ROBO2: variants seen among roughly 807,000 people sequenced by gnomAD.
ROBO2 encodes roundabout guidance receptor 2.
A neutral mutation model predicts 160.8 loss-of-function variants in ROBO2; 53 were observed. That is an observed-to-expected ratio of 0.33 (90% CI 0.26 to 0.41). ROBO2 has a LOEUF of 0.41. ROBO2 is among the 10% of genes least tolerant of loss of function. The pLI, the probability that ROBO2 is intolerant of heterozygous loss-of-function variation, is 1.00. For missense variants in ROBO2, 1,577 were observed against 1,722.4 expected, an observed-to-expected ratio of 0.92 and a Z score of 1.49; for synonymous variants, 664 against 611.7, an observed-to-expected ratio of 1.09 and a Z score of -1.26.
At chr3:77,001,874 T>A (rs1341511457) in intron 2 of ROBO2, among the ~76,000 whole-genome samples, 1 of 152,190 alleles carries the variant, frequency 6.6e-6, no homozygotes, top group Non-Finnish European at 1.5e-5. Flanking sequence ...TGTGAGCTGA[T>A]CAATGTGAAG....
chr3:76,459,583 CT>C (rs1385587720), intron 2 of ROBO2, among the ~76,000 whole-genome samples: 5 of 152,082 alleles, frequency 3.3e-5, no homozygotes, highest in African/African-American at 1.2e-4. Flanking sequence ...TAGCAAATAG[CT>C]ACTAGTAGTA....
At chr3:76,507,213 A>C (rs1275783131) in intron 2 of ROBO2, among the ~76,000 whole-genome samples, 1 of 152,116 alleles carries the variant, frequency 6.6e-6, no homozygotes, top group African/African-American at 2.4e-5. Context: ...TATTTAATGG[A>C]AATAGATTCC....
intron 2 of ROBO2, among the ~76,000 whole-genome samples, chr3:76,008,367 GCA>G (rs1455378149): frequency 6.6e-6 from 1 of 151,662 alleles, no homozygotes; most frequent in Non-Finnish European, 1.5e-5. Flanking sequence ...TTAAAAGAAA[GCA>G]CAGTGATCTG....
intron 2 of ROBO2, among the ~76,000 whole-genome samples, chr3:76,934,599 G>C (rs1218840190): frequency 6.6e-6 from 1 of 152,078 alleles, no homozygotes; most frequent in African/African-American, 2.4e-5. Context: ...AAATTAGCTG[G>C]ACATGGTGGT....
intron 2 of ROBO2, among the ~76,000 whole-genome samples, chr3:77,176,363 G>A (rs1280597141): frequency 1.3e-5 from 2 of 151,770 alleles, no homozygotes; most frequent in Admixed American, 6.6e-5. Flanking sequence ...TTTCCCTTTC[G>A]GTGCATTCAG....
At chr3:76,093,824 G>T (rs558280972) in intron 2 of ROBO2, among the ~76,000 whole-genome samples, 1 of 152,138 alleles carries the variant, frequency 6.6e-6, no homozygotes, top group African/African-American at 2.4e-5. Context: ...AAAATGTGTG[G>T]CATTTTATAC....
chr3:77,283,501 A>G (rs2060379671), intron 2 of ROBO2, among the ~76,000 whole-genome samples: 1 of 152,236 alleles, frequency 6.6e-6, no homozygotes, highest in Non-Finnish European at 1.5e-5. Flanking sequence ...GTATAAGTGA[A>G]GGCACATTTT....
intron 2 of ROBO2, among the ~76,000 whole-genome samples, chr3:77,328,074 A>AG: frequency 6.6e-6 from 1 of 150,822 alleles, no homozygotes; most frequent in South Asian, 2.1e-4. Flanking sequence ...AAAAAAAAAA[A>AG]AAAAAAGAAA....
rs17790293 is a variant in ROBO2, at chr3:76,358,328, A to G, written c.109+420726A>G. On this transcript the variant is annotated intron_variant, in intron 2 of 26. Coordinates refer to the ROBO2 transcript ENST00000487694. ...CATTCTCCCACATATTAAAGTGTAC[A>G]GTACTGGGAATCTATTTTCTCTCTT... Among the ~76,000 whole-genome samples, 508 of 152,078 alleles carry G rather than the reference A, an allele frequency of 3.3e-3. 6 individuals carry two copies. The highest frequency in any genetic ancestry group is 0.024 in the Admixed American group (368 of 15,254).
intron 8 of ROBO2, among the ~76,000 whole-genome samples, chr3:77,557,107 C>T (rs989844484): frequency 1.1e-4 from 16 of 151,862 alleles, no homozygotes; most frequent in South Asian, 2.1e-4. Context: ...AATGCTACTA[C>T]GATACAGTTG....
intron 2 of ROBO2, among the ~76,000 whole-genome samples, chr3:76,810,368 C>T (rs574428332): frequency 3.0e-4 from 45 of 152,062 alleles, no homozygotes; most frequent in African/African-American, 1.0e-3. Flanking sequence ...TTTTCTTGGA[C>T]CACAGTTACT....
At chr3:77,549,270 A>G (rs1002246460) in intron 7 of ROBO2, among the ~76,000 whole-genome samples, 2 of 152,020 alleles carry the variant, frequency 1.3e-5, no homozygotes, top group Non-Finnish European at 2.9e-5. Context: ...CCCATCTGAT[A>G]TATTAGTGCT....
intron 2 of ROBO2, among the ~76,000 whole-genome samples, chr3:75,995,087 A>G (rs1264191218): frequency 2.0e-5 from 3 of 152,198 alleles, no homozygotes; most frequent in Non-Finnish European, 2.9e-5. Flanking sequence ...TGACAATGTG[A>G]TAGACAAGAA....
chr3:76,843,904 G>A (rs2068533009), intron 2 of ROBO2, among the ~76,000 whole-genome samples: 2 of 152,090 alleles, frequency 1.3e-5, no homozygotes, highest in South Asian at 4.1e-4. Context: ...TGTAGCAAGA[G>A]GAGCTAAATT....
At chr3:77,230,824 T>C (rs1032311661) in intron 2 of ROBO2, among the ~76,000 whole-genome samples, 5 of 152,198 alleles carry the variant, frequency 3.3e-5, no homozygotes, top group African/African-American at 1.2e-4. Flanking sequence ...TTCCTAAAAT[T>C]AGACTTTTTT....
At chr3:76,507,247 TAA>T (rs1174482023) in intron 2 of ROBO2, among the ~76,000 whole-genome samples, 3 of 152,062 alleles carry the variant, frequency 2.0e-5, no homozygotes, top group Non-Finnish European at 4.4e-5. Flanking sequence ...ATGAAGATAA[TAA>T]GTTTTAAATT....
intron 2 of ROBO2, among the ~76,000 whole-genome samples, chr3:76,913,225 G>A (rs2076098377): frequency 1.3e-5 from 2 of 152,148 alleles, no homozygotes; most frequent in Non-Finnish European, 2.9e-5. Context: ...GTTGATAGAT[G>A]AGTGAGCGTT....
rs72891547 is a variant in ROBO2 at position 77,137,752 on chromosome 3, T to C, written c.388+39412T>C. Among the ~76,000 whole-genome samples the C allele has an allele frequency of 7.6e-3, 1,156 of 152,334 alleles. 16 individuals are homozygous for C. Among genetic ancestry groups the C allele is most frequent in the African/African-American group, 0.025 (1,056 of 41,572 alleles). On this transcript the variant is annotated intron_variant, in intron 2 of 25. Coordinates refer to ENST00000461745, the Ensembl canonical transcript of ROBO2. ...GAAACTCCCCAGACGACTGCCTGCC[T>C]GTAAGAGACAGTGAGGAAACGCAAG...
At chr3:76,421,388 T>C (rs2075989547) in intron 2 of ROBO2, among the ~76,000 whole-genome samples, 1 of 152,164 alleles carries the variant, frequency 6.6e-6, no homozygotes, top group Non-Finnish European at 1.5e-5. Context: ...GATTCAAACA[T>C]TTTTTCCAAC....
Sources: gnomAD v4.1 joint callset for allele counts (sites outside exome capture counted in the v4.1 genomes callset) on GRCh38, gnomAD v4.1.1 for gene constraint, MANE v1.5 for transcripts, NCBI Gene and HGNC (gene_info 2026-07-23, HGNC 2026-07-21) for gene names.